UTP15: variants seen among roughly 807,000 people sequenced by gnomAD.
UTP15 encodes U3 small nucleolar RNA-associated protein 15 homolog.
In UTP15, 5 loss-of-function variants were observed where a neutral mutation model predicts 59.1. That is an observed-to-expected ratio of 0.08 (90% confidence interval 0.04 to 0.18). UTP15 has a LOEUF of 0.18. Among genes scored for constraint, UTP15 ranks in the 10% least tolerant of loss-of-function variants. UTP15 has a pLI of 1.00. For missense variants in UTP15, 494 were observed against 616.7 expected, an observed-to-expected ratio of 0.80 and a Z score of 2.11; for synonymous variants, 211 against 212.2, an observed-to-expected ratio of 0.99 and a Z score of 0.05.
intron 12 of UTP15, among the ~76,000 whole-genome samples, chr5:73,579,607 A>G (rs1214609012): frequency 6.6e-6 from 1 of 152,144 alleles, no homozygotes; most frequent in East Asian, 1.9e-4. Flanking sequence ...TTTTTCATAG[A>G]CATCTATAAT....
At chr5:73,570,009 T>G (rs916219225) in intron 5 of UTP15, among the ~76,000 whole-genome samples, 1 of 152,026 alleles carries the variant, frequency 6.6e-6, no homozygotes, top group Non-Finnish European at 1.5e-5. Context: ...CTTTGTGTAT[T>G]TTTTTGTAGA....
intron 7 of UTP15, 104 bp from the exon 8 acceptor site, chr5:73,576,848 G>A (rs1458892720): frequency 1.3e-6 from 1 of 773,562 alleles, no homozygotes; most frequent in African/African-American, 1.7e-5. Context: ...TTTCTTCACT[G>A]TTGTACAGAT....
chr5:73,568,359 T>G, intron 3 of UTP15, 32 bp downstream of exon 3: 1 of 1,585,170 alleles, frequency 6.3e-7, no homozygotes, highest in East Asian at 2.2e-5. Flanking sequence ...TTTATTTTTC[T>G]TTTGTATAGT....
At chr5:73,571,367 G>A (rs773568776) in intron 6 of UTP15, among the ~76,000 whole-genome samples, 2 of 151,346 alleles carry the variant, frequency 1.3e-5, no homozygotes, top group Non-Finnish European at 2.9e-5. Context: ...CCTCAAAAGG[G>A]GCCTTGGTAC....
intron 6 of UTP15, 151 bp downstream of exon 6, chr5:73,570,862 A>G: frequency 1.8e-6 from 2 of 1,113,184 alleles, no homozygotes; most frequent in Admixed American, 2.2e-5. Flanking sequence ...GCAAGCAGTT[A>G]TCATTTATTG....
Position 73,579,124 on chromosome 5 carries a change from C to T in UTP15, c.1254C>T (p.Ile418=). 6.2e-7 allele frequency: 1 copy of T among 1,613,864 alleles called. No homozygotes were observed. The highest frequency in any genetic ancestry group is 8.5e-7 in the Non-Finnish European group (1 of 1,179,854). Residue 418 remains isoleucine, a synonymous_variant, in exon 11 of 13, where the codon ATC becomes ATT. Coordinates refer to ENST00000296792, the MANE Select transcript of UTP15 (RefSeq NM_032175.4). ...NALAGRDEKE[I]SHVLNFLIRN... ...TTGCAGGTCGGGATGAGAAGGAAAT[C>T]AGTCATGTTCTTAATTTTTTGATAA...
At chr5:73,567,583 T>G in intron 2 of UTP15, 149 bp downstream of exon 2, 1 of 529,268 alleles carries the variant, frequency 1.9e-6, no homozygotes. Context: ...TTGATATCTA[T>G]TTTTTCTTGG....
rs1188537488 is a variant in UTP15 at position 73,565,773 on chromosome 5, G to C, written c.-223G>C. On this transcript the variant is annotated 5_prime_UTR_variant, in exon 1 of 13. Transcript: ENST00000296792. The stretch of plus-strand genomic sequence containing the variant: ...ATCTTCGCGCGACGTTCGGTTCGCT[G>C]TGTGTGTCGCCGGCTCCTTGAGGGT... 1 of 456,302 alleles carries C rather than the reference G, an allele frequency of 2.2e-6. No homozygotes were observed. Among genetic ancestry groups the C allele is most frequent in the Non-Finnish European group, 4.4e-6 (1 of 226,964 alleles). The allele number at this position is 456,302 out of a possible 1,614,324, so 28.3% of individuals were successfully genotyped here. A position where few individuals can be genotyped will look rare whatever the true frequency, so the allele number is the denominator to read the frequency against.
rs1295114513 is a variant in UTP15 at position 73,567,329 on chromosome 5, G to A, written c.-16G>A. On this transcript the variant is annotated 5_prime_UTR_variant, in exon 2 of 13. Transcript: ENST00000296792. Reference sequence around the variant, plus strand: ...AAAATAGTGACTCTTGGACAATAGTGCAATTATATGGAATTATGGCTGGTT... The same window carrying A: ...AAAATAGTGACTCTTGGACAATAGTACAATTATATGGAATTATGGCTGGTT... 1.3e-6 allele frequency: 2 copies of A among 1,565,346 alleles called. No homozygotes were observed. Among genetic ancestry groups the A allele is most frequent in the African/African-American group, 2.7e-5 (2 of 73,128 alleles).
In UTP15 at chr5:73,575,603, C is replaced by A. The variant is rs200490877; in HGVS notation, c.810-1349C>A. Among the ~76,000 whole-genome samples, 11 of 151,418 alleles carry A rather than the reference C, an allele frequency of 7.3e-5. No homozygotes were observed. The East Asian group carries it at 1.9e-3, about 27-fold the overall frequency. ...TTAGAGACAGGGTTTCTTCAAGTTGCCCAGGCTGGTCTTGAACTCCTGGGC... is the reference window on the plus strand; with the variant it reads ...TTAGAGACAGGGTTTCTTCAAGTTGACCAGGCTGGTCTTGAACTCCTGGGC... On this transcript the variant is annotated intron_variant, in intron 7 of 12. Coordinates refer to ENST00000296792, the MANE Select transcript of UTP15 (RefSeq NM_032175.4).
chr5:73,577,721 G>A (rs1748143459), intron 8 of UTP15, 135 bp from the exon 9 acceptor site: 5 of 723,134 alleles, frequency 6.9e-6, no homozygotes, highest in East Asian at 3.0e-5. Flanking sequence ...TCGTTAGGCA[G>A]ACTATGTGTA....
intron 11 of UTP15, 57 bp from the exon 12 acceptor site, chr5:73,579,260 T>C: frequency 6.3e-7 from 1 of 1,592,714 alleles, no homozygotes. Context: ...CAAATCTGTT[T>C]TAAGGATTTT....
At chr5:73,568,004 G>A (rs1327072043) in intron 2 of UTP15, among the ~76,000 whole-genome samples, 1 of 152,154 alleles carries the variant, frequency 6.6e-6, no homozygotes, top group Non-Finnish European at 1.5e-5. Context: ...CTCAATAGCT[G>A]AAGAGACAGA....
In UTP15 at chr5:73,583,341, A is replaced by G. The variant is rs1748377367; in HGVS notation, c.*3247A>G. ...ATGAACAAGAATGAAACCTAAGTGC[A>G]AAGAAAATAAAGATTATCCTGCTTT... On this transcript the variant is annotated 3_prime_UTR_variant, in exon 13 of 13. Transcript: ENST00000296792. 1 of 152,228 alleles carries G rather than the reference A, an allele frequency of 6.6e-6. No homozygotes were observed. Among genetic ancestry groups the G allele is most frequent in the African/African-American group, 2.4e-5 (1 of 41,446 alleles). The allele number at this position is 152,228 out of a possible 1,614,324, so 9.4% of individuals were successfully genotyped here. A position where few individuals can be genotyped will look rare whatever the true frequency, so the allele number is the denominator to read the frequency against.
At chr5:73,572,385 A>G in intron 6 of UTP15, 104 bp from the exon 7 acceptor site, 1 of 1,469,958 alleles carries the variant, frequency 6.8e-7, no homozygotes, top group South Asian at 1.3e-5. Flanking sequence ...TCCCTCACTC[A>G]GCCTCCATGC....
intron 8 of UTP15, 36 bp downstream of exon 8, chr5:73,577,072 A>AC: frequency 6.9e-7 from 1 of 1,451,844 alleles, no homozygotes. Flanking sequence ...TCTGTCACTA[A>AC]CCCTGCCTGT....
At chr5:73,574,298 G>A (rs1369183167) in intron 7 of UTP15, among the ~76,000 whole-genome samples, 1 of 151,436 alleles carries the variant, frequency 6.6e-6, no homozygotes, top group African/African-American at 2.4e-5. Flanking sequence ...CTCTATCCTG[G>A]GTTACAGTGA....
intron 12 of UTP15, 96 bp downstream of exon 12, chr5:73,579,471 G>A: frequency 1.0e-6 from 1 of 961,078 alleles, no homozygotes; most frequent in Admixed American, 2.7e-5. Flanking sequence ...AAAATATCTT[G>A]CTTTTATCAA....
chr5:73,569,607 T>G lies in UTP15; in HGVS notation c.479T>G (p.Phe160Cys), dbSNP rs1485460554. ...DIPNSKEILT[F>C]KEHSDYVRCG... The stretch of plus-strand genomic sequence containing the variant: ...CCAAACTCCAAAGAAATTTTGACAT[T>G]TAAAGAACACTCTGATTATGTGAGG... The change falls in exon 5 of 13, where the codon TTT becomes TGT. Residue 160 changes from phenylalanine to cysteine, a missense_variant. Transcript: ENST00000296792. 1 of 1,613,880 alleles carries G rather than the reference T, an allele frequency of 6.2e-7. No homozygotes were observed. Among genetic ancestry groups the G allele is most frequent in the Admixed American group, 1.7e-5 (1 of 60,002 alleles).
Sources: gnomAD v4.1 joint callset for allele counts (sites outside exome capture counted in the v4.1 genomes callset) on GRCh38, gnomAD v4.1.1 for gene constraint, MANE v1.5 for transcripts, NCBI Gene and HGNC (gene_info 2026-07-23, HGNC 2026-07-21) for gene names.